The following ADARB1 variants were observed in gnomAD, a reference collection of about 807,000 sequenced individuals.
ADARB1 encodes double-stranded RNA-specific editase 1.
A neutral mutation model predicts 52.4 loss-of-function variants in ADARB1; 10 were observed. The observed-to-expected ratio is 0.19, with a 90% CI of 0.12 to 0.32. The LOEUF is 0.32. Among genes scored for constraint, ADARB1 ranks in the 10% least tolerant of loss-of-function variants. The probability of loss-of-function intolerance (pLI) is 1.00; values close to 1 mark genes in which losing one functional copy is unlikely to be tolerated. For synonymous variants in ADARB1, 349 were observed against 371.1 expected, an observed-to-expected ratio of 0.94 and a Z score of 0.68; for missense variants, 643 against 922.3, an observed-to-expected ratio of 0.70 and a Z score of 3.92.
chr21:45,099,086 G>A (rs1274609872), intron 1 of ADARB1, among the ~76,000 whole-genome samples: 2 of 152,216 alleles, frequency 1.3e-5, no homozygotes, highest in Non-Finnish European at 2.9e-5. Flanking sequence ...GAGGTGACAT[G>A]TGATAGATGC....
At position 45,074,617 on chromosome 21, in the gene ADARB1, G is replaced by GGCGGCGGCGGC. The variant is rs1289118271; in HGVS notation, c.-391_-390insGGCGGCGCGGC. ...CGGCCGTGGCGGCGGCGGCGGCGGCGGCGGCAGCGGCGGCCAAGCGGCCAG... is the reference window on the plus strand; with the variant it reads ...CGGCCGTGGCGGCGGCGGCGGCGGCGGCGGCGGCGGCGCGGCAGCGGCGGCCAAGCGGCCAG... On this transcript the variant is annotated 5_prime_UTR_variant, in exon 1 of 11. Transcript: ENST00000348831. 6.7e-6 allele frequency: 1 copy of GGCGGCGGCGGC among 149,514 alleles called. No homozygotes were observed. The highest frequency in any genetic ancestry group is 1.5e-5 in the Non-Finnish European group (1 of 68,456). 9.3% of individuals were successfully genotyped at this position (149,514 alleles called of 1,614,324 possible).
At chr21:45,104,003 T>C (rs1008708315) in intron 1 of ADARB1, among the ~76,000 whole-genome samples, 2 of 152,122 alleles carry the variant, frequency 1.3e-5, no homozygotes, top group Non-Finnish European at 1.5e-5. Context: ...GGCACACTTA[T>C]CGAACCAGGC....
chr21:45,079,909 G>C (rs774178943), intron 1 of ADARB1, among the ~76,000 whole-genome samples: 3 of 152,178 alleles, frequency 2.0e-5, no homozygotes, highest in Non-Finnish European at 2.9e-5. Flanking sequence ...AGGAGATGAG[G>C]AATGGCCTGG....
intron 1 of ADARB1, among the ~76,000 whole-genome samples, chr21:45,089,221 C>T (rs746489624): frequency 9.2e-5 from 14 of 152,226 alleles, no homozygotes; most frequent in Non-Finnish European, 1.6e-4. Context: ...CTCATGCTCA[C>T]AACTTACAAA....
At chr21:45,126,665 T>C (rs970035024) in intron 1 of ADARB1, among the ~76,000 whole-genome samples, 1 of 152,184 alleles carries the variant, frequency 6.6e-6, no homozygotes, top group Non-Finnish European at 1.5e-5. Flanking sequence ...GACCCCTCTT[T>C]CCTGGAAGCC....
chr21:45,099,632 CTG>C (rs977789910), intron 1 of ADARB1, among the ~76,000 whole-genome samples: 2 of 152,050 alleles, frequency 1.3e-5, no homozygotes, highest in African/African-American at 4.8e-5. Flanking sequence ...GAGCGAGACT[CTG>C]TCTCAAAAAA....
At chr21:45,081,311 G>A (rs181147461) in intron 1 of ADARB1, among the ~76,000 whole-genome samples, 3 of 152,250 alleles carry the variant, frequency 2.0e-5, no homozygotes, top group Admixed American at 6.5e-5. Flanking sequence ...AACTACACAC[G>A]GACCCGGCTT....
intron 2 of ADARB1, among the ~76,000 whole-genome samples, chr21:45,148,089 C>T (rs1238472187): frequency 2.6e-5 from 4 of 152,194 alleles, no homozygotes. Flanking sequence ...ACAAGCTAAG[C>T]ATCTGTGAGA....
chr21:45,180,948 C>T (rs1377124241), intron 5 of ADARB1, among the ~76,000 whole-genome samples: 2 of 152,184 alleles, frequency 1.3e-5, no homozygotes, highest in African/African-American at 4.8e-5. Flanking sequence ...GCAAAAGGAA[C>T]CCCCGAGTCC....
At chr21:45,158,233 C>T (rs899932195) in intron 2 of ADARB1, among the ~76,000 whole-genome samples, 9 of 147,786 alleles carry the variant, frequency 6.1e-5, no homozygotes, top group African/African-American at 2.2e-4. Flanking sequence ...TGATTCTTCT[C>T]GGGTTGGGGC....
intron 9 of ADARB1, among the ~76,000 whole-genome samples, chr21:45,212,508 A>G (rs1325510541): frequency 1.3e-5 from 2 of 152,170 alleles, no homozygotes; most frequent in Non-Finnish European, 2.9e-5. Context: ...AGCAATCAGT[A>G]AATGCAGGAA....
intron 1 of ADARB1, among the ~76,000 whole-genome samples, chr21:45,118,898 G>A (rs1470592381): frequency 3.9e-5 from 6 of 152,098 alleles, no homozygotes; most frequent in South Asian, 2.1e-4. Flanking sequence ...ACCTGCTTTC[G>A]TCTGCCTTAT....
intron 2 of ADARB1, among the ~76,000 whole-genome samples, chr21:45,136,738 G>C (rs922037706): frequency 2.0e-5 from 3 of 152,172 alleles, no homozygotes; most frequent in African/African-American, 7.2e-5. Context: ...CTCTCCCCCA[G>C]GTTGCTTGGT....
chr21:45,176,790 G>A lies in ADARB1; in HGVS notation c.963+126G>A, dbSNP rs1217965607. The A allele has an allele frequency of 3.7e-6, 4 of 1,090,348 alleles. No individual in the cohort carries two copies. In the African/African-American group the frequency reaches 4.8e-5, roughly 13 times the overall value. 67.5% of individuals were successfully genotyped at this position (1,090,348 alleles called of 1,614,324 possible). A position where few individuals can be genotyped will look rare whatever the true frequency, so the allele number is the denominator to read the frequency against. On this transcript the variant is annotated intron_variant, in intron 4 of 10. Coordinates refer to ENST00000348831, the MANE Select transcript of ADARB1 (RefSeq NM_001112.4). This position sits in a 1 kb window ranked among gnomAD's most constrained non-coding sequence, Gnocchi z 5.8. ...GACATCACTCTGTCCCCACCAGGAG[G>A]AGTTACTGGTAAGTCTGGCTGCTTG...
At chr21:45,214,013 T>A (rs917072778) in intron 9 of ADARB1, among the ~76,000 whole-genome samples, 1 of 152,234 alleles carries the variant, frequency 6.6e-6, no homozygotes, top group South Asian at 2.1e-4. Flanking sequence ...CCACCACTAG[T>A]GTGCGGGAGT....
At chr21:45,191,019 C>T (rs2092267593) in intron 8 of ADARB1, among the ~76,000 whole-genome samples, 1 of 152,216 alleles carries the variant, frequency 6.6e-6, no homozygotes, top group African/African-American at 2.4e-5. Flanking sequence ...TGTAGCTTCT[C>T]AGTTGGTCTC....
At chr21:45,115,859 A>G (rs766066866) in intron 1 of ADARB1, among the ~76,000 whole-genome samples, 1 of 152,174 alleles carries the variant, frequency 6.6e-6, no homozygotes, top group Non-Finnish European at 1.5e-5. Context: ...CTCACCTAAA[A>G]TCTGGGGCCA....
At chr21:45,150,132 A>C (rs917348749) in intron 2 of ADARB1, among the ~76,000 whole-genome samples, 4 of 152,168 alleles carry the variant, frequency 2.6e-5, no homozygotes, top group African/African-American at 4.8e-5. Context: ...AAAAATACAA[A>C]AGAAATTAGC....
chr21:45,224,656 C>T lies in ADARB1; in HGVS notation c.*2459C>T. 2.3e-6 allele frequency: 2 copies of T among 854,508 alleles called. No individual in the cohort carries two copies. Among genetic ancestry groups the T allele is most frequent in the Non-Finnish European group, 2.6e-6 (2 of 762,260 alleles). 52.9% of individuals were successfully genotyped at this position (854,508 alleles called of 1,614,324 possible). On this transcript the variant is annotated 3_prime_UTR_variant, in exon 11 of 11. Coordinates refer to ENST00000348831, the MANE Select transcript of ADARB1 (RefSeq NM_001112.4). ...TGGGCGGGGTGGCTGTCAGGGGGAA[C>T]TGGGTTCCGGGAGCCCTGGGCCGGG...
Sources: allele counts gnomAD v4.1 joint callset (sites outside exome capture counted in the v4.1 genomes callset), GRCh38; gene constraint gnomAD v4.1.1; non-coding constraint Gnocchi (gnomAD v3.1); transcripts MANE v1.5; gene names NCBI Gene and HGNC (gene_info 2026-07-23, HGNC 2026-07-21).